MYH13: variants seen among roughly 807,000 people sequenced by gnomAD.
MYH13 encodes myosin-13.
MYH13 carries 177 observed loss-of-function variants against 232.1 expected under a neutral mutation model. The ratio of observed to expected loss-of-function variants is 0.76; its 90% CI spans 0.67 to 0.86. The LOEUF (loss-of-function observed/expected upper bound fraction) is 0.86. Ranked by LOEUF, MYH13 falls within the 40% of genes least tolerant of loss-of-function variation. The probability of loss-of-function intolerance (pLI) is 0.00; values close to 1 mark genes in which losing one functional copy is unlikely to be tolerated. For missense variants in MYH13, 2,246 were observed against 2,405.9 expected (o/e 0.93, Z 1.39); for synonymous variants, 884 against 923.5 (o/e 0.96, Z 0.78).
chr17:10,335,213 G>A (rs1478206039), intron 18 of MYH13, among the ~76,000 whole-genome samples: 4 of 152,202 alleles, frequency 2.6e-5, no homozygotes, highest in South Asian at 2.1e-4. Flanking sequence ...ACTGTTTCAC[G>A]TACAAAATTA....
At position 10,315,806 on chromosome 17, in the gene MYH13, G is replaced by A. The variant is rs1292577649; in HGVS notation, c.3871C>T (p.Leu1291=). Residue 1291 remains leucine (L), a synonymous_variant, in exon 29 of 41, where the codon CTG becomes TTG. Transcript: ENST00000252172. ...TCCTTCTCTTCCACTCGGTGGCTCA[G>A]CTCCCCTACCAAACAGATGTGGCCC... ...KARLQTQNGE[L]SHRVEEKESL... The A allele has an allele frequency of 1.9e-6, 3 of 1,613,800 alleles. No homozygotes were observed. The highest frequency in any genetic ancestry group is 2.5e-6 in the Non-Finnish European group (3 of 1,179,898).
intron 2 of MYH13, among the ~76,000 whole-genome samples, chr17:10,368,876 G>T (rs193058268): frequency 6.6e-6 from 1 of 152,290 alleles, no homozygotes; most frequent in East Asian, 1.9e-4. Flanking sequence ...GTTGGAAGAT[G>T]ATTTACTTCA....
At chr17:10,330,286 A>G in intron 21 of MYH13, 101 bp downstream of exon 21, 2 of 1,491,420 alleles carry the variant, frequency 1.3e-6, no homozygotes, top group South Asian at 2.6e-5. Flanking sequence ...AATGAAGGAA[A>G]GAGAGCAAGC....
Position 10,357,741 on chromosome 17 carries a change from T to C in MYH13, c.732A>G (p.Ser244=). The C allele has an allele frequency of 1.2e-6, 2 of 1,613,766 alleles. No homozygotes were observed. Among genetic ancestry groups the C allele is most frequent in the Non-Finnish European group, 1.7e-6 (2 of 1,179,754 alleles). ...NAKTVRNDNS[S]RFGKFIRIHF... Reference sequence around the variant, plus strand: ...AAATTGGGCCGGATCTTACAAATCTTGAGGAGTTGTCATTCCTCACAGTCT... The same window carrying C: ...AAATTGGGCCGGATCTTACAAATCTCGAGGAGTTGTCATTCCTCACAGTCT... The change falls in exon 8 of 41, where the codon TCA becomes TCG. Residue 244 remains serine (S), a synonymous_variant. Coordinates refer to ENST00000252172, the MANE Select transcript of MYH13 (RefSeq NM_003802.3).
chr17:10,345,857 G>A (rs1251077931), intron 13 of MYH13, among the ~76,000 whole-genome samples: 1 of 151,820 alleles, frequency 6.6e-6, no homozygotes, highest in African/African-American at 2.4e-5. Flanking sequence ...GCCAGGTGTG[G>A]TGGCAGGCGC....
At chr17:10,322,005 C>T (rs996052550) in intron 23 of MYH13, among the ~76,000 whole-genome samples, 6 of 152,238 alleles carry the variant, frequency 3.9e-5, no homozygotes, top group South Asian at 4.1e-4. Flanking sequence ...AATCTATATT[C>T]GCTCATAATA....
At position 10,306,735 on chromosome 17, in the gene MYH13, G is replaced by T; in HGVS notation, c.5296-106C>A. ...TCATGGTGCTGAGCCTCCCCTGTCT[G>T]ACTGGGGCCAGTCATTGCTGATTCC... is the stretch of plus-strand genomic sequence containing the variant. On this transcript the variant is annotated intron_variant, in intron 36 of 40. Transcript: ENST00000252172. The surrounding 1 kb of genome is among the most constrained non-coding windows in gnomAD (Gnocchi z 4.3). 1 of 1,547,950 alleles carries T rather than the reference G, an allele frequency of 6.5e-7. No homozygotes were observed. The highest frequency in any genetic ancestry group is 1.2e-5 in the South Asian group (1 of 81,106).
chr17:10,342,963 G>C (rs1019887837), intron 16 of MYH13, among the ~76,000 whole-genome samples: 1 of 151,818 alleles, frequency 6.6e-6, no homozygotes, highest in African/African-American at 2.4e-5. Context: ...GGTGGCGTGC[G>C]CCTGTAGTCC....
Position 10,304,321 on chromosome 17 carries a change from G to A in MYH13, c.5467-823C>T, listed in dbSNP as rs1906204824. Among the ~76,000 whole-genome samples, 1 of 152,198 alleles carries A rather than the reference G, an allele frequency of 6.6e-6. No homozygotes were observed. The highest frequency in any genetic ancestry group is 1.5e-5 in the Non-Finnish European group (1 of 68,038). On this transcript the variant is annotated intron_variant, in intron 37 of 40. Transcript: ENST00000252172. The surrounding 1 kb of genome is among the most constrained non-coding windows in gnomAD (Gnocchi z 5.3). ...CAAGATGTCTCCTCCTAGGTCTTAG[G>A]AGCCACATTTTATTGACAATGCAGG...
chr17:10,355,244 C>T lies in MYH13; in HGVS notation c.739-97G>A, dbSNP rs2071740496. ...TGCTGCCACAGATAAATTATAAATGCAAAAATGCTAGAGAACAGAACTGAA... is the reference window on the plus strand; with the variant it reads ...TGCTGCCACAGATAAATTATAAATGTAAAAATGCTAGAGAACAGAACTGAA... On this transcript the variant is annotated intron_variant, in intron 8 of 40. Coordinates refer to ENST00000252172, the MANE Select transcript of MYH13 (RefSeq NM_003802.3). 3.1e-6 allele frequency: 4 copies of T among 1,275,094 alleles called. No homozygotes were observed. In the Admixed American group the frequency reaches 8.4e-5, roughly 27 times the overall value. 79.0% of individuals were successfully genotyped at this position (1,275,094 alleles called of 1,614,324 possible). A position where few individuals can be genotyped will look rare whatever the true frequency, so the allele number is the denominator to read the frequency against.
At position 10,344,099 on chromosome 17, in the gene MYH13, A is replaced by C. The variant is rs762087541; in HGVS notation, c.1595T>G (p.Ile532Ser). The change falls in exon 16 of 41, where the codon ATC (isoleucine) becomes AGC (serine). Residue 532 changes from isoleucine (I) to serine (S), a missense_variant. Coordinates refer to ENST00000252172, the MANE Select transcript of MYH13 (RefSeq NM_003802.3). ...CIELIEKPMG[I>S]FSILEEECMF... ...GCACTCCTCTTCCAGGATGGAGAAG[A>C]TGCCCATAGGCTGGAAAGAGGATAA... The C allele has an allele frequency of 7.4e-6, 12 of 1,614,028 alleles. No homozygotes were observed. In the South Asian group the frequency reaches 1.2e-4, roughly 16 times the overall value.
intron 2 of MYH13, among the ~76,000 whole-genome samples, chr17:10,365,138 G>T (rs2071824564): frequency 6.6e-6 from 1 of 152,156 alleles, no homozygotes; most frequent in Non-Finnish European, 1.5e-5. Context: ...ACCTCCCAAA[G>T]TGCTGGGATT....
chr17:10,372,637 G>T (rs2142155968), intron 1 of MYH13, among the ~76,000 whole-genome samples: 1 of 152,292 alleles, frequency 6.6e-6, no homozygotes, highest in South Asian at 2.1e-4. Flanking sequence ...TCACAGAAGA[G>T]ATACCACAAG....
At chr17:10,344,594 G>T (rs1246091490) in intron 15 of MYH13, among the ~76,000 whole-genome samples, 1 of 151,708 alleles carries the variant, frequency 6.6e-6, no homozygotes, top group Non-Finnish European at 1.5e-5. Context: ...GAGGTGGGTG[G>T]ATCACAAGGT....
At chr17:10,348,143 A>G (rs2071681769) in intron 12 of MYH13, among the ~76,000 whole-genome samples, 1 of 152,134 alleles carries the variant, frequency 6.6e-6, no homozygotes, top group African/African-American at 2.4e-5. Context: ...TCCTCGAATT[A>G]TCTCCTTTTC....
At chr17:10,355,954 C>G (rs780920395) in intron 8 of MYH13, among the ~76,000 whole-genome samples, 1 of 150,182 alleles carries the variant, frequency 6.7e-6, no homozygotes, top group Non-Finnish European at 1.5e-5. Flanking sequence ...CTCAGAGGCC[C>G]GGGCTCAGGC....
chr17:10,344,901 G>A (rs949601792), intron 15 of MYH13, among the ~76,000 whole-genome samples: 2 of 151,798 alleles, frequency 1.3e-5, no homozygotes, highest in Non-Finnish European at 2.9e-5. Context: ...CTGCTCCATG[G>A]TTCCGCCTCC....
intron 11 of MYH13, 134 bp from the exon 12 acceptor site, chr17:10,350,828 G>A: frequency 8.6e-7 from 1 of 1,158,628 alleles, no homozygotes; most frequent in Non-Finnish European, 1.3e-6. Flanking sequence ...ATGACAGGTG[G>A]GGATGTGGTA....
At chr17:10,330,753 C>G (rs1410113562) in intron 20 of MYH13, among the ~76,000 whole-genome samples, 1 of 152,010 alleles carries the variant, frequency 6.6e-6, no homozygotes, top group Admixed American at 6.6e-5. Flanking sequence ...CATGGTGGCT[C>G]ATGCCTGTAA....
Sources: allele counts gnomAD v4.1 joint callset (sites outside exome capture counted in the v4.1 genomes callset), GRCh38; gene constraint gnomAD v4.1.1; non-coding constraint Gnocchi (gnomAD v3.1); transcripts MANE v1.5; gene names NCBI Gene and HGNC (gene_info 2026-07-23, HGNC 2026-07-21).